The following SLC24A2 variants were observed in gnomAD, a reference collection of about 807,000 sequenced individuals.
SLC24A2 encodes the protein sodium/potassium/calcium exchanger 2.
Under a neutral mutation model 62.0 loss-of-function variants are expected in SLC24A2, and 36 were observed. The observed-to-expected ratio is 0.58, with a 90% CI of 0.44 to 0.77. The LOEUF is 0.77. Among genes scored for constraint, SLC24A2 ranks in the 30% least tolerant of loss-of-function variants. The pLI, the probability that SLC24A2 is intolerant of heterozygous loss-of-function variation, is 0.00. For missense variants in SLC24A2, 846 were observed against 817.9 expected, an observed-to-expected ratio of 1.03 and a Z score of -0.42; for synonymous variants, 358 against 294.0, an observed-to-expected ratio of 1.22 and a Z score of -2.23.
upstream of SLC24A2, among the ~76,000 whole-genome samples, chr9:19,792,358 A>G (rs1286739390): frequency 6.6e-6 from 1 of 152,088 alleles, no homozygotes; most frequent in Non-Finnish European, 1.5e-5. Flanking sequence ...CTCAAGGGAA[A>G]AAAATTCTAG....
chr9:20,007,060 A>C, the SLC24A2 span, among the ~76,000 whole-genome samples: 3 of 152,220 alleles, frequency 2.0e-5, no homozygotes, highest in East Asian at 5.8e-4. Context: ...TAAAATCCCA[A>C]CTCTTAATTA....
the SLC24A2 span, among the ~76,000 whole-genome samples, chr9:19,801,131 C>T: frequency 1.4e-4 from 22 of 152,232 alleles, no homozygotes; most frequent in Non-Finnish European, 2.6e-4. Context: ...TGGCAAGCCT[C>T]GTGTTCTCTG....
At chr9:19,955,312 T>G in the SLC24A2 span, among the ~76,000 whole-genome samples, 2 of 152,040 alleles carry the variant, frequency 1.3e-5, no homozygotes, top group Admixed American at 6.6e-5. Flanking sequence ...ACAAAAAAAT[T>G]TTGTTTACAG....
chr9:20,100,013 C>G, the SLC24A2 span, among the ~76,000 whole-genome samples: 1 of 151,686 alleles, frequency 6.6e-6, no homozygotes, highest in South Asian at 2.1e-4. Context: ...TTTTCTTCTC[C>G]TATTCATCTT....
chr9:19,618,612 A>G (rs1817829646), intron 4 of SLC24A2, among the ~76,000 whole-genome samples: 1 of 152,074 alleles, frequency 6.6e-6, no homozygotes, highest in African/African-American at 2.4e-5. Flanking sequence ...CCTCATATGA[A>G]CTTCTTGATT....
chr9:19,844,718 T>C, the SLC24A2 span, among the ~76,000 whole-genome samples: 1 of 152,162 alleles, frequency 6.6e-6, no homozygotes, highest in African/African-American at 2.4e-5. Context: ...AGGGGTCAAG[T>C]TTCATTCTTC....
the SLC24A2 span, among the ~76,000 whole-genome samples, chr9:20,224,410 C>T: frequency 6.6e-6 from 1 of 151,790 alleles, no homozygotes. Context: ...CAATCATAAC[C>T]ATAAGTTTGG....
chr9:19,692,382 G>A (rs1820069133), intron 2 of SLC24A2, among the ~76,000 whole-genome samples: 1 of 152,014 alleles, frequency 6.6e-6, no homozygotes, highest in Non-Finnish European at 1.5e-5. Flanking sequence ...ATTTTCTTTT[G>A]ATTCATGCTA....
the SLC24A2 span, among the ~76,000 whole-genome samples, chr9:20,181,401 G>C: frequency 6.6e-6 from 1 of 152,132 alleles, no homozygotes; most frequent in Admixed American, 6.6e-5. Flanking sequence ...CAGGGTTACA[G>C]TCACCAAAAC....
chr9:20,277,071 T>C, the SLC24A2 span, among the ~76,000 whole-genome samples: 1 of 152,196 alleles, frequency 6.6e-6, no homozygotes, highest in African/African-American at 2.4e-5. Flanking sequence ...CTCATTACCT[T>C]TGCAAATTTC....
At chr9:19,983,485 A>G in the SLC24A2 span, among the ~76,000 whole-genome samples, 17 of 152,200 alleles carry the variant, frequency 1.1e-4, no homozygotes, top group East Asian at 3.3e-3. Flanking sequence ...TCTACTAAAA[A>G]CACAAAAATT....
At chr9:20,086,308 T>A in the SLC24A2 span, among the ~76,000 whole-genome samples, 2 of 152,090 alleles carry the variant, frequency 1.3e-5, no homozygotes, top group African/African-American at 4.8e-5. Context: ...TGGCCCGTAT[T>A]TCCAGTGCAC....
In SLC24A2 at chr9:19,519,363, G is replaced by GTC. The variant is rs1833084544; in HGVS notation, c.1736+1530_1736+1531insGA. Among the ~76,000 whole-genome samples, 2 of 151,730 alleles carry GTC rather than the reference G, an allele frequency of 1.3e-5. 1 individual carries two copies. The highest frequency in any genetic ancestry group is 2.9e-5 in the Non-Finnish European group (2 of 67,956). On this transcript the variant is annotated intron_variant, in intron 10 of 10. Coordinates refer to ENST00000341998, the MANE Select transcript of SLC24A2 (RefSeq NM_020344.4). The stretch of plus-strand genomic sequence containing the variant: ...TTTAAACTTCCTTGTGTGTGTGTGT[G>GTC]TGTGTGTGTGTGTATGTATACAACT...
intron 2 of SLC24A2, among the ~76,000 whole-genome samples, chr9:19,782,509 T>C (rs1823046877): frequency 1.3e-5 from 2 of 152,202 alleles, no homozygotes; most frequent in Admixed American, 1.3e-4. Flanking sequence ...CCATTTATAT[T>C]CACTGTATGT....
the SLC24A2 span, among the ~76,000 whole-genome samples, chr9:20,055,231 T>A: frequency 6.6e-6 from 1 of 152,130 alleles, no homozygotes; most frequent in Non-Finnish European, 1.5e-5. Context: ...AGTGCTCTCA[T>A]GGGAGCACAA....
chr9:19,775,699 C>T (rs181972270), intron 2 of SLC24A2, among the ~76,000 whole-genome samples: 36 of 152,300 alleles, frequency 2.4e-4, no homozygotes, highest in African/African-American at 7.7e-4. Flanking sequence ...AGAAGCAAGG[C>T]CACCACCAGG....
chr9:20,090,988 T>C, the SLC24A2 span, among the ~76,000 whole-genome samples: 60 of 151,458 alleles, frequency 4.0e-4, no homozygotes, highest in African/African-American at 1.3e-3. Flanking sequence ...ACAGACAAAA[T>C]AGACAGTATA....
chr9:19,569,637 C>T (rs1206068358), intron 7 of SLC24A2, among the ~76,000 whole-genome samples: 1 of 152,188 alleles, frequency 6.6e-6, no homozygotes, highest in East Asian at 1.9e-4. Flanking sequence ...CAAATGCAAC[C>T]TCTAAGACAC....
chr9:20,214,903 T>G, the SLC24A2 span, among the ~76,000 whole-genome samples: 8 of 152,162 alleles, frequency 5.3e-5, no homozygotes, highest in African/African-American at 1.9e-4. Context: ...ATAGAAAAAT[T>G]ACCGTACAGT....
Sources: gnomAD v4.1 joint callset for allele counts (sites outside exome capture counted in the v4.1 genomes callset) on GRCh38, gnomAD v4.1.1 for gene constraint, MANE v1.5 for transcripts, NCBI Gene and HGNC (gene_info 2026-07-23, HGNC 2026-07-21) for gene names.